Variants in LINGO2 observed in about 807,000 individuals in gnomAD.
The protein encoded by LINGO2 is leucine-rich repeat and immunoglobulin-like domain-containing nogo receptor-interacting protein 2.
Under a neutral mutation model 30.6 loss-of-function variants are expected in LINGO2, and 14 were observed. That is an observed-to-expected ratio of 0.46 (90% CI 0.30 to 0.72). The LOEUF is 0.72. Ranked by LOEUF, LINGO2 falls within the 30% of genes least tolerant of loss-of-function variation. LINGO2 has a pLI of 0.07. For synonymous variants in LINGO2, 317 were observed against 288.5 expected, an observed-to-expected ratio of 1.10 and a Z score of -1.00; for missense variants, 729 against 751.7, an observed-to-expected ratio of 0.97 and a Z score of 0.35.
At chr9:28,159,453 C>A (rs1474439395) in intron 4 of LINGO2, among the ~76,000 whole-genome samples, 1 of 151,888 alleles carries the variant, frequency 6.6e-6, no homozygotes, top group Non-Finnish European at 1.5e-5. Context: ...TTTCAATTTT[C>A]ATTTTTCATT....
At chr9:29,211,583 C>CTTCTCTTCTCTTCTCT in the LINGO2 span, among the ~76,000 whole-genome samples, 794 of 148,224 alleles carry the variant, frequency 5.4e-3, 3 homozygotes, top group Non-Finnish European at 8.3e-3. Context: ...CTTCTCTTCT[C>CTTCTCTTCTCTTCTCT]TCTCTCTCTC....
chr9:28,950,946 C>T, the LINGO2 span, among the ~76,000 whole-genome samples: 24,973 of 152,022 alleles, frequency 0.16, 2,081 homozygotes, highest in South Asian at 0.2. Context: ...CAATCCTAAG[C>T]AAAAAGAACA....
At chr9:28,068,764 T>C (rs1237604434) in intron 4 of LINGO2, among the ~76,000 whole-genome samples, 1 of 152,174 alleles carries the variant, frequency 6.6e-6, no homozygotes, top group Non-Finnish European at 1.5e-5. Context: ...ACTTTTAAGC[T>C]TGATTTTTGA....
chr9:28,689,110 C>T, the LINGO2 span, among the ~76,000 whole-genome samples: 859 of 152,278 alleles, frequency 5.6e-3, 8 homozygotes, highest in Middle Eastern at 0.01. Context: ...CTCTAGTCTG[C>T]TCTAGTCCTT....
chr9:27,945,462 G>A (rs184344915), downstream of LINGO2, among the ~76,000 whole-genome samples: 2 of 152,194 alleles, frequency 1.3e-5, no homozygotes, highest in Admixed American at 1.3e-4. Flanking sequence ...TTCCTACTAG[G>A]GAGTTGTCAG....
At chr9:28,592,258 G>A (rs1012584953) in intron 1 of LINGO2, among the ~76,000 whole-genome samples, 1 of 152,066 alleles carries the variant, frequency 6.6e-6, no homozygotes, top group Non-Finnish European at 1.5e-5. Context: ...ACACATAAAA[G>A]AAGGAAGCTG....
intron 4 of LINGO2, among the ~76,000 whole-genome samples, chr9:28,176,138 C>T (rs920021028): frequency 9.2e-5 from 14 of 152,142 alleles, no homozygotes; most frequent in African/African-American, 3.4e-4. Context: ...TCAAACCTAC[C>T]TTGTAAGCTC....
chr9:28,741,269 A>G, the LINGO2 span, among the ~76,000 whole-genome samples: 1 of 151,962 alleles, frequency 6.6e-6, no homozygotes, highest in Non-Finnish European at 1.5e-5. Context: ...AACGTGGTGC[A>G]TGAAGTCAGG....
At chr9:28,956,473 G>A in the LINGO2 span, among the ~76,000 whole-genome samples, 1 of 152,020 alleles carries the variant, frequency 6.6e-6, no homozygotes, top group African/African-American at 2.4e-5. Context: ...AGTGAAGTGC[G>A]GGAATCACAC....
chr9:28,485,613 G>T (rs547051153), intron 1 of LINGO2, among the ~76,000 whole-genome samples: 1 of 152,212 alleles, frequency 6.6e-6, no homozygotes, highest in South Asian at 2.1e-4. Flanking sequence ...GGAAGTATTT[G>T]TGTACTGATA....
At position 28,012,158 on chromosome 9, in the gene LINGO2, G is replaced by T. The variant is rs202139094; in HGVS notation, c.-36+197C>A. Among the ~76,000 whole-genome samples, 110 of 152,192 alleles carry T rather than the reference G, an allele frequency of 7.2e-4. 1 individual carries two copies. The East Asian group carries it at 0.02, about 27-fold the overall frequency. ...ACCACTGAGCAAAATTGCCTTCTCT[G>T]CTTTCTTTTTGCCCACCACAGGGTA... On this transcript the variant is annotated intron_variant, in intron 5 of 5. Transcript: ENST00000379992.
At chr9:28,694,205 A>G in the LINGO2 span, among the ~76,000 whole-genome samples, 2 of 151,962 alleles carry the variant, frequency 1.3e-5, no homozygotes, top group Admixed American at 1.3e-4. Context: ...GCAAGTAGAA[A>G]TTATGATCCC....
rs993518968 is a variant in LINGO2, at chr9:28,558,156, A to G, written c.-364-82131T>C. Among the ~76,000 whole-genome samples, 74 of 149,206 alleles carry G rather than the reference A, an allele frequency of 5.0e-4. 1 individual carries two copies. The highest frequency in any genetic ancestry group is 1.4e-3 in the Admixed American group (21 of 15,038). ...AAACTTAAAGTATAATAAAAATAAA[A>G]ATAGAATAAAACCAAAAAAAAAAAA... On this transcript the variant is annotated intron_variant, in intron 1 of 5. Coordinates refer to ENST00000379992, the Ensembl canonical transcript of LINGO2.
At chr9:27,942,385 T>C in the LINGO2 span, 1 of 152,342 alleles carries the variant, frequency 6.6e-6, no homozygotes, top group Middle Eastern at 3.4e-3. Flanking sequence ...CATTTCTTAT[T>C]AATACTTCAG....
intron 4 of LINGO2, among the ~76,000 whole-genome samples, chr9:28,175,881 C>T (rs910886036): frequency 3.3e-5 from 5 of 152,170 alleles, no homozygotes; most frequent in African/African-American, 1.2e-4. Flanking sequence ...GGATGAAGCT[C>T]GTTCTCTGAT....
intron 3 of LINGO2, among the ~76,000 whole-genome samples, chr9:28,335,891 T>C (rs183346539): frequency 1.1e-3 from 163 of 152,236 alleles, no homozygotes; most frequent in Non-Finnish European, 1.3e-3. Context: ...AAACTGCAAT[T>C]TACATTCATT....
intron 4 of LINGO2, among the ~76,000 whole-genome samples, chr9:28,236,892 A>G (rs1358225594): frequency 6.6e-6 from 1 of 152,174 alleles, no homozygotes; most frequent in Non-Finnish European, 1.5e-5. Flanking sequence ...TAAGAGTATA[A>G]CTGGATTGTT....
chr9:28,732,778 A>C, the LINGO2 span, among the ~76,000 whole-genome samples: 1 of 152,204 alleles, frequency 6.6e-6, no homozygotes, highest in Non-Finnish European at 1.5e-5. Flanking sequence ...CCACTCCTCT[A>C]TAAATATCAA....
At chr9:28,705,215 C>A in the LINGO2 span, among the ~76,000 whole-genome samples, 32 of 152,050 alleles carry the variant, frequency 2.1e-4, no homozygotes, top group African/African-American at 7.5e-4. Context: ...CCATGCCCGG[C>A]CACCTTGTAA....
Sources: allele counts gnomAD v4.1 joint callset (sites outside exome capture counted in the v4.1 genomes callset), GRCh38; gene constraint gnomAD v4.1.1; transcripts MANE v1.5; gene names NCBI Gene and HGNC (gene_info 2026-07-23, HGNC 2026-07-21).